The following PALMD variants were observed in gnomAD, a reference collection of about 807,000 sequenced individuals.
PALMD encodes the protein palmdelphin, also known as paralemmin-like protein.
A neutral mutation model predicts 56.2 loss-of-function variants in PALMD; 42 were observed. The observed-to-expected ratio is 0.75, with a 90% CI of 0.58 to 0.97. PALMD has a LOEUF of 0.97. Among genes scored for constraint, PALMD ranks in the 50% least tolerant of loss-of-function variants. PALMD has a pLI of 0.00. For synonymous variants in PALMD, 242 were observed against 222.9 expected, an observed-to-expected ratio of 1.09 and a Z score of -0.76; for missense variants, 660 against 643.8, an observed-to-expected ratio of 1.03 and a Z score of -0.27.
chr1:99,650,833 T>C (rs1422644040), intron 1 of PALMD, among the ~76,000 whole-genome samples: 1 of 152,216 alleles, frequency 6.6e-6, no homozygotes, highest in African/African-American at 2.4e-5. Flanking sequence ...ATATTTTTCC[T>C]TATTCGTTCT....
At position 99,689,131 on chromosome 1, in the gene PALMD, A is replaced by G; in HGVS notation, c.871A>G (p.Thr291Ala). 1 of 1,613,662 alleles carries G rather than the reference A, an allele frequency of 6.2e-7. No homozygotes were observed. The highest frequency in any genetic ancestry group is 8.5e-7 in the Non-Finnish European group (1 of 1,179,818). ...CTTTCAAGAAAGGATAAAGATTAAA[A>G]CTAATGGACTGGGTATTGGTGTAAA... ...PNFQERIKIK[T>A]NGLGIGVNES... is the part of the protein sequence containing the mutation. The change falls in exon 7 of 8, where the codon ACT becomes GCT. Residue 291 changes from threonine (T) to alanine (A), a missense_variant. Transcript: ENST00000263174.
intron 1 of PALMD, among the ~76,000 whole-genome samples, chr1:99,653,981 A>C (rs1383272014): frequency 6.6e-6 from 1 of 152,082 alleles, no homozygotes; most frequent in Non-Finnish European, 1.5e-5. Context: ...GAGTATAGAG[A>C]CCTTTGGTGC....
intron 3 of PALMD, among the ~76,000 whole-genome samples, chr1:99,680,993 T>G (rs1557673060): frequency 6.6e-6 from 1 of 152,136 alleles, no homozygotes; most frequent in East Asian, 1.9e-4. Context: ...AGGTTATTCC[T>G]GCAACAGTTC....
At position 99,686,661 on chromosome 1, in the gene PALMD, C is replaced by T. The variant is rs1397077521; in HGVS notation, c.252-15C>T. 2 of 1,351,406 alleles carry T rather than the reference C, an allele frequency of 1.5e-6. No individual in the cohort carries two copies. The highest frequency in any genetic ancestry group is 1.5e-5 in the African/African-American group (1 of 68,810). The allele number at this position is 1,351,406 out of a possible 1,614,324, so 83.7% of individuals were successfully genotyped here. On this transcript the variant is annotated splice_polypyrimidine_tract_variant and intron_variant, in intron 3 of 7. Coordinates refer to ENST00000263174, the MANE Select transcript of PALMD (RefSeq NM_017734.5). Reference sequence around the variant, plus strand: ...ACTGTGTTAAGCAATAAAAAGTATACCTTTTTGTTGTCAGGCTTGAGAAAG... The same window carrying T: ...ACTGTGTTAAGCAATAAAAAGTATATCTTTTTGTTGTCAGGCTTGAGAAAG...
intron 7 of PALMD, among the ~76,000 whole-genome samples, chr1:99,691,923 G>T (rs997823618): frequency 6.6e-5 from 10 of 152,122 alleles, no homozygotes; most frequent in Non-Finnish European, 2.9e-5. Context: ...ACAGCGTGAA[G>T]AAGAAAGAAA....
At chr1:99,649,156 T>C (rs746324227) in intron 1 of PALMD, among the ~76,000 whole-genome samples, 3 of 152,240 alleles carry the variant, frequency 2.0e-5, no homozygotes, top group Non-Finnish European at 4.4e-5. Context: ...TACTTTCATG[T>C]TCTTCCTTAA....
chr1:99,652,980 ATCAAAG>A (rs1397446452), intron 1 of PALMD, among the ~76,000 whole-genome samples: 2 of 152,128 alleles, frequency 1.3e-5, no homozygotes, highest in African/African-American at 4.8e-5. Context: ...TTGGAACAGA[ATCAAAG>A]TCATTTTTCA....
chr1:99,676,387 G>A lies in PALMD; in HGVS notation c.251+8621G>A, dbSNP rs76027020. On this transcript the variant is annotated intron_variant, in intron 3 of 7. Coordinates refer to ENST00000263174, the MANE Select transcript of PALMD (RefSeq NM_017734.5). The stretch of plus-strand genomic sequence containing the variant: ...AATTATTCTTCATCTTTTTTGATAC[G>A]CACTTTTTAAAAATTTTTGTAGATG... Among the ~76,000 whole-genome samples, 431 of 151,916 alleles carry A rather than the reference G, an allele frequency of 2.8e-3. 1 individual carries two copies. Among genetic ancestry groups the A allele is most frequent in the African/African-American group, 9.7e-3 (403 of 41,394 alleles).
chr1:99,690,124 C>T, intron 7 of PALMD: 1 of 469,922 alleles, frequency 2.1e-6, no homozygotes, highest in Non-Finnish European at 3.7e-6. Flanking sequence ...ACTTGAATTT[C>T]ATCTTCTATC....
chr1:99,658,599 G>A (rs182453070), intron 1 of PALMD, among the ~76,000 whole-genome samples: 2 of 151,786 alleles, frequency 1.3e-5, no homozygotes, highest in Admixed American at 6.6e-5. Flanking sequence ...GTGAAACCCC[G>A]TCTCTACTAA....
intron 1 of PALMD, 110 bp downstream of exon 1, chr1:99,646,472 A>G (rs2100849936): frequency 1.2e-6 from 1 of 813,632 alleles, no homozygotes; most frequent in East Asian, 2.5e-5. Flanking sequence ...CAGAACTGTC[A>G]GCCTTCATGG....
intron 3 of PALMD, among the ~76,000 whole-genome samples, chr1:99,681,369 C>T (rs1448855918): frequency 6.6e-6 from 1 of 152,068 alleles, no homozygotes; most frequent in East Asian, 1.9e-4. Flanking sequence ...AATTTTTTCT[C>T]TTCCCCAAAA....
Position 99,694,069 on chromosome 1 carries a change from T to C in PALMD, c.*7T>C. The C allele has an allele frequency of 6.4e-7, 1 of 1,569,288 alleles. No individual in the cohort carries two copies. The highest frequency in any genetic ancestry group is 8.8e-7 in the Non-Finnish European group (1 of 1,141,400). ...GGGAAAAAAGGTGATCTAAGAGTTGTACCACCTATATAAACATCCTTTGAA... is the reference window on the plus strand; with the variant it reads ...GGGAAAAAAGGTGATCTAAGAGTTGCACCACCTATATAAACATCCTTTGAA... On this transcript the variant is annotated 3_prime_UTR_variant, in exon 8 of 8. Transcript: ENST00000263174.
Position 99,683,029 on chromosome 1 carries a change from AAAG to A in PALMD, c.252-3644_252-3642del, listed in dbSNP as rs1557673720. 6.2e-3 allele frequency among the ~76,000 whole-genome samples: 88 copies of A among 14,252 alleles called. 4 individuals are homozygous for A. Among genetic ancestry groups the A allele is most frequent in the Admixed American group, 0.017 (15 of 872 alleles). 9.3% of individuals were successfully genotyped at this position (14,252 alleles called of 152,430 possible). On this transcript the variant is annotated intron_variant, in intron 3 of 7. Coordinates refer to ENST00000263174, the MANE Select transcript of PALMD (RefSeq NM_017734.5). ...TCCAAAAAGAAAGAAGGAAAGAAAG[AAAG>A]AAAGAAAGAAAGAAAGAAAGAAAGA...
At chr1:99,666,413 T>A (rs1652960525) in intron 2 of PALMD, among the ~76,000 whole-genome samples, 1 of 151,850 alleles carries the variant, frequency 6.6e-6, no homozygotes, top group Admixed American at 6.6e-5. Context: ...CAATTATCTA[T>A]CACAACTAAA....
At chr1:99,682,704 G>C (rs982266110) in intron 3 of PALMD, among the ~76,000 whole-genome samples, 3 of 151,870 alleles carry the variant, frequency 2.0e-5, no homozygotes, top group Non-Finnish European at 2.9e-5. Flanking sequence ...AAAGAAAGGG[G>C]CAGAGACAGG....
chr1:99,651,336 G>T (rs1652582169), intron 1 of PALMD, among the ~76,000 whole-genome samples: 1 of 152,172 alleles, frequency 6.6e-6, no homozygotes, highest in South Asian at 2.1e-4. Flanking sequence ...GATAACTGGG[G>T]AAGGTTTTTC....
chr1:99,674,828 A>T (rs925504454), intron 3 of PALMD, among the ~76,000 whole-genome samples: 1 of 152,168 alleles, frequency 6.6e-6, no homozygotes, highest in African/African-American at 2.4e-5. Flanking sequence ...AGTTTCAGTG[A>T]CCCGTTCTCC....
intron 1 of PALMD, among the ~76,000 whole-genome samples, chr1:99,655,938 A>G (rs943853655): frequency 3.1e-5 from 1 of 32,324 alleles, no homozygotes; most frequent in Non-Finnish European, 7.8e-5. Flanking sequence ...ACACACGCAC[A>G]CACACACACA....
Sources: gnomAD v4.1 joint callset for allele counts (sites outside exome capture counted in the v4.1 genomes callset) on GRCh38, gnomAD v4.1.1 for gene constraint, MANE v1.5 for transcripts, NCBI Gene and HGNC (gene_info 2026-07-23, HGNC 2026-07-21) for gene names.